Variants in ZNF674 observed in about 807,000 individuals in gnomAD.
The protein encoded by ZNF674 is zinc finger protein 674.
In ZNF674, 2 loss-of-function variants were observed where a neutral mutation model predicts 7.0. That is an observed-to-expected ratio of 0.29 (90% CI 0.12 to 0.90). The LOEUF is 0.90. Among genes scored for constraint, ZNF674 ranks in the 40% least tolerant of loss-of-function variants. The pLI is 0.57. For missense variants in ZNF674, 297 were observed against 415.5 expected, an observed-to-expected ratio of 0.71 and a Z score of 2.48; for synonymous variants, 103 against 145.2, an observed-to-expected ratio of 0.71 and a Z score of 2.09.
At chrX:46,516,047 T>C (rs1243378665) in intron 5 of ZNF674, among the ~76,000 whole-genome samples, 2 of 111,988 alleles carry the variant, frequency 1.8e-5, no homozygotes, top group African/African-American at 6.5e-5. Context: ...AATGATGACC[T>C]AAGCATCCAC....
At chrX:46,520,266 G>A (rs1941882632) in intron 5 of ZNF674, among the ~76,000 whole-genome samples, 1 of 110,791 alleles carries the variant, frequency 9.0e-6, no homozygotes, top group African/African-American at 3.3e-5. Context: ...CCAGGTGGTG[G>A]CGGGTGCCTG....
chrX:46,544,133 TG>T (rs1266065459), intron 2 of ZNF674, among the ~76,000 whole-genome samples: 2 of 112,834 alleles, frequency 1.8e-5, no homozygotes, highest in Non-Finnish European at 3.8e-5. Flanking sequence ...CCTGCCCCCA[TG>T]GGGGACATCC....
At chrX:46,533,857 C>T (rs1265566897) in intron 3 of ZNF674, among the ~76,000 whole-genome samples, 7 of 81,455 alleles carry the variant, frequency 8.6e-5, no homozygotes, top group East Asian at 3.8e-4. Context: ...TATATATACA[C>T]ACACACACAC....
intron 5 of ZNF674, among the ~76,000 whole-genome samples, chrX:46,513,679 A>G (rs1941706861): frequency 8.9e-6 from 1 of 112,011 alleles, no homozygotes; most frequent in African/African-American, 3.2e-5. Context: ...AAATACTATC[A>G]AGTATTTTCC....
chrX:46,519,378 C>T (rs1460062156), intron 5 of ZNF674, among the ~76,000 whole-genome samples: 4 of 108,511 alleles, frequency 3.7e-5, no homozygotes, highest in African/African-American at 1.3e-4. Context: ...GAGGCTGAGG[C>T]GGGTGGATCA....
At chrX:46,523,181 G>A in intron 5 of ZNF674, 1 of 217,589 alleles carries the variant, frequency 4.6e-6, no homozygotes. Flanking sequence ...TCAAAAGCTG[G>A]TTCTGTGAAA....
Position 46,499,913 on chromosome X carries a change from CCA to C in ZNF674, c.1659_1660del (p.Cys553TrpfsTer12), listed in dbSNP as rs1381782761. 5.1e-6 allele frequency: 6 copies of C among 1,171,933 alleles called. No individual in the cohort carries two copies. The highest frequency in any genetic ancestry group is 1.8e-5 in the African/African-American group (1 of 56,079). ...AGTTGACTTCCCACTGAATGCTTTCCCACAGTCTCTGCATTCATAAGGTTTCT... is the reference window on the plus strand; with the variant it reads ...AGTTGACTTCCCACTGAATGCTTTCCCAGTCTCTGCATTCATAAGGTTTCT... On this transcript the variant is annotated frameshift_variant, in exon 6 of 6. Coordinates refer to ENST00000683375, the MANE Select transcript of ZNF674 (RefSeq NM_001190417.2). LOFTEE classifies it low-confidence loss of function (END_TRUNC).
intron 3 of ZNF674, among the ~76,000 whole-genome samples, chrX:46,538,470 T>C (rs1942238412): frequency 9.0e-6 from 1 of 110,989 alleles, no homozygotes; most frequent in Non-Finnish European, 1.9e-5. Context: ...ATGATAGAGA[T>C]CTTATTTACT....
At chrX:46,539,263 T>C (rs1479195213) in intron 3 of ZNF674, among the ~76,000 whole-genome samples, 1 of 112,909 alleles carries the variant, frequency 8.9e-6, no homozygotes, top group Non-Finnish European at 1.9e-5. Context: ...TCTTATATGC[T>C]GCATCATGGC....
chrX:46,518,794 G>C (rs186032265), intron 5 of ZNF674, among the ~76,000 whole-genome samples: 311 of 109,303 alleles, frequency 2.8e-3, no homozygotes, highest in African/African-American at 1.0e-2. Flanking sequence ...GCTGAGGCTG[G>C]AGAATGGTGT....
chrX:46,512,765 C>CA (rs59242903), intron 5 of ZNF674, among the ~76,000 whole-genome samples: 12,486 of 74,732 alleles, frequency 0.17, 1,963 homozygotes, highest in African/African-American at 0.45. Flanking sequence ...CTCCATCTCA[C>CA]AAAAAAAAAA....
At chrX:46,502,034 G>A (rs769971128) in intron 5 of ZNF674, among the ~76,000 whole-genome samples, 33 of 110,501 alleles carry the variant, frequency 3.0e-4, no homozygotes, top group African/African-American at 9.2e-4. Flanking sequence ...CTGGCTGGGC[G>A]CGGTGGCTCA....
intron 5 of ZNF674, among the ~76,000 whole-genome samples, chrX:46,514,930 G>A (rs1941733632): frequency 8.9e-6 from 1 of 112,055 alleles, no homozygotes; most frequent in Non-Finnish European, 1.9e-5. Flanking sequence ...GAACTTTATT[G>A]TTTTCAATAC....
At position 46,500,067 on chromosome X, in the gene ZNF674, T is replaced by C; in HGVS notation, c.1507A>G (p.Arg503Gly). ...ECTDCKKAFS[R>G]KSTLIKHQRI... ...TGATGTTTGATGAGAGTTGACTTCC[T>C]ACTGAAGGCTTTTTTACAGTCAGTG... The change falls in exon 6 of 6, where the codon AGG (arginine) becomes GGG (glycine). Residue 503 changes from arginine (R) to glycine (G), a missense_variant. By Grantham distance (125) the Arg-to-Gly change is moderately radical. Transcript: ENST00000683375. 8.3e-7 allele frequency: 1 copy of C among 1,211,351 alleles called. No homozygotes were observed. Among genetic ancestry groups the C allele is most frequent in the Non-Finnish European group, 1.1e-6 (1 of 895,116 alleles).
intron 5 of ZNF674, among the ~76,000 whole-genome samples, chrX:46,510,494 A>G (rs1941633568): frequency 1.8e-5 from 2 of 111,946 alleles, no homozygotes; most frequent in African/African-American, 6.5e-5. Flanking sequence ...TGATTTTTTA[A>G]AAAGTCTTAT....
chrX:46,500,129 T>C lies in ZNF674; in HGVS notation c.1445A>G (p.His482Arg), dbSNP rs776225546. 35 of 1,210,592 alleles carry C rather than the reference T, an allele frequency of 2.9e-5. No homozygotes were observed. The highest frequency in any genetic ancestry group is 3.8e-5 in the Non-Finnish European group (34 of 895,381). The change falls in exon 6 of 6, where the codon CAT (histidine) becomes CGT (arginine). Residue 482 changes from histidine (H) to arginine (R), a missense_variant. By Grantham distance (29) the His-to-Arg change is conservative (BLOSUM62 0). Transcript: ENST00000683375. The part of the protein sequence containing the change: ...AFSEKSPLIK[H>R]QRIHTGERPY... ...TCTCTCTCCTGTATGAATTCTCTGA[T>C]GTTTAATCAGTGGTGACTTCTCACT...
At chrX:46,514,258 C>G (rs894103711) in intron 5 of ZNF674, among the ~76,000 whole-genome samples, 1 of 111,037 alleles carries the variant, frequency 9.0e-6, no homozygotes, top group Non-Finnish European at 1.9e-5. Context: ...CGATGTACAT[C>G]CACTAGACTT....
At chrX:46,528,308 T>C in intron 5 of ZNF674, 42 bp downstream of exon 5, 1 of 1,189,097 alleles carries the variant, frequency 8.4e-7, no homozygotes, top group East Asian at 3.0e-5. Context: ...CCAACCAACC[T>C]GGTCCCTTTT....
chrX:46,520,400 A>AAAAT (rs909505859), intron 5 of ZNF674, among the ~76,000 whole-genome samples: 1 of 110,950 alleles, frequency 9.0e-6, no homozygotes. Flanking sequence ...ATCCATCTCA[A>AAAAT]AAATAAATAA....
Sources: allele counts gnomAD v4.1 joint callset (sites outside exome capture counted in the v4.1 genomes callset), GRCh38; gene constraint gnomAD v4.1.1; transcripts MANE v1.5; gene names NCBI Gene and HGNC (gene_info 2026-07-23, HGNC 2026-07-21).